Variants in DKKL1 observed in about 807,000 individuals in gnomAD.
DKKL1 encodes dickkopf like acrosomal protein 1.
Under a neutral mutation model 16.5 loss-of-function variants are expected in DKKL1, and 11 were observed. The observed-to-expected ratio is 0.67, with a 90% CI of 0.42 to 1.10. DKKL1 has a LOEUF of 1.10. DKKL1 is among the 50% of genes least tolerant of loss of function. The probability of loss-of-function intolerance (pLI) is 0.00; values close to 1 mark genes in which losing one functional copy is unlikely to be tolerated. For missense variants in DKKL1, 320 were observed against 308.1 expected (o/e 1.04, Z -0.29); for synonymous variants, 119 against 133.2 (o/e 0.89, Z 0.73).
At chr19:49,364,111 A>T in intron 1 of DKKL1, 103 bp downstream of exon 1, 1 of 1,496,916 alleles carries the variant, frequency 6.7e-7, no homozygotes, top group Non-Finnish European at 9.1e-7. Flanking sequence ...ACACTTTGGG[A>T]GGCCCAGGTG....
At chr19:49,371,549 C>A in intron 4 of DKKL1, among the ~76,000 whole-genome samples, 1 of 151,370 alleles carries the variant, frequency 6.6e-6, no homozygotes, top group South Asian at 2.1e-4. Flanking sequence ...TGCTTTGTAT[C>A]ATTTTCTTAA....
At position 49,374,950 on chromosome 19, in the gene DKKL1, CGA is replaced by C. The variant is rs1973669620; in HGVS notation, c.655_656del (p.Ser219LeufsTer?). ...THKDVLEEGTESSSHSRLSPR... is the reference protein window; with the variant it reads ...THKDVLEEGTXSSSHSRLSPR... Reference sequence around the variant, plus strand: ...ACAAGGACGTCCTAGAAGAGGGGACCGAGAGCTCCTCCCACTCCAGGCTGTCC... The same window carrying C: ...ACAAGGACGTCCTAGAAGAGGGGACCGAGCTCCTCCCACTCCAGGCTGTCC... On this transcript the variant is annotated frameshift_variant, in exon 5 of 5. Coordinates refer to ENST00000221498, the MANE Select transcript of DKKL1 (RefSeq NM_014419.4). LOFTEE classifies it high-confidence loss of function. 1 of 1,613,694 alleles carries C rather than the reference CGA, an allele frequency of 6.2e-7. No homozygotes were observed. The highest frequency in any genetic ancestry group is 2.2e-5 in the East Asian group (1 of 44,864).
upstream of DKKL1, among the ~76,000 whole-genome samples, chr19:49,362,177 C>A (rs962191610): frequency 4.1e-4 from 63 of 152,350 alleles, no homozygotes; most frequent in African/African-American, 1.4e-3. Flanking sequence ...CGCAGGCACC[C>A]TAACTCCGGC....
At chr19:49,374,095 C>G (rs960012458) in intron 4 of DKKL1, among the ~76,000 whole-genome samples, 2 of 152,134 alleles carry the variant, frequency 1.3e-5, no homozygotes, top group African/African-American at 4.8e-5. Context: ...TGCCAATCTC[C>G]TGCCTCAGCC....
intron 4 of DKKL1, among the ~76,000 whole-genome samples, chr19:49,371,464 A>G (rs1197617311): frequency 2.6e-5 from 4 of 151,490 alleles, no homozygotes; most frequent in Non-Finnish European, 5.9e-5. Context: ...TAATTTTTCA[A>G]TTGTTTTACT....
Position 49,365,809 on chromosome 19 carries a change from C to A in DKKL1, c.341C>A (p.Thr114Lys), listed in dbSNP as rs1279485569. 6.2e-7 allele frequency: 1 copy of A among 1,614,062 alleles called. No individual in the cohort carries two copies. The highest frequency in any genetic ancestry group is 1.1e-5 in the South Asian group (1 of 91,054). Residue 114 changes from threonine (T) to lysine (K), a missense_variant, in exon 4 of 5, where the codon ACA (threonine) becomes AAA (lysine). Transcript: ENST00000221498. ...TCCTCACAGATGACCGACAACAAGA[C>A]AGGAGAGGTGCTGATCTCCGAGAAT... ...LQIDKMTDNK[T>K]GEVLISENVV...
Position 49,364,675 on chromosome 19 carries a change from A to C in DKKL1, c.104A>C (p.Asp35Ala). 1 of 1,614,152 alleles carries C rather than the reference A, an allele frequency of 6.2e-7. No individual in the cohort carries two copies. The highest frequency in any genetic ancestry group is 8.5e-7 in the Non-Finnish European group (1 of 1,180,032). Residue 35 changes from aspartate to alanine, a missense_variant, in exon 2 of 5, where the codon GAT becomes GCT. Coordinates refer to ENST00000221498, the MANE Select transcript of DKKL1 (RefSeq NM_014419.4). ...CCCTCCGCTGCAGCTCCTATCCATG[A>C]TGCTGACGCCCAAGAGAGCTCCTTG... ...VIPSAAAPIH[D>A]ADAQESSLGL...
Position 49,364,772 on chromosome 19 carries a change from G to C in DKKL1, c.183+18G>C, listed in dbSNP as rs761338559. 6.2e-7 allele frequency: 1 copy of C among 1,607,830 alleles called. No homozygotes were observed. The highest frequency in any genetic ancestry group is 1.3e-5 in the African/African-American group (1 of 74,802). On this transcript the variant is annotated intron_variant, in intron 2 of 4. Transcript: ENST00000221498. The stretch of plus-strand genomic sequence containing the variant: ...TCCTGAAAGTAAGCGATGGCGGGGG[G>C]ATGGGGGAAGAAGTACTGAGAAGAG...
upstream of DKKL1, among the ~76,000 whole-genome samples, chr19:49,361,031 AG>A (rs532094441): frequency 8.1e-5 from 2 of 24,734 alleles, no homozygotes; most frequent in African/African-American, 1.6e-4. Context: ...GACCAGAGGG[AG>A]GGGGGGACAG....
Position 49,373,932 on chromosome 19 carries a change from T to A in DKKL1, c.418-785T>A, listed in dbSNP as rs546611098. Among the ~76,000 whole-genome samples, 113 of 152,026 alleles carry A rather than the reference T, an allele frequency of 7.4e-4. 1 individual carries two copies. The South Asian group carries it at 7.9e-3, about 11-fold the overall frequency. ...TGAATTGCAAGGACCAAACAGACAC[T>A]CAGTCCATATTCAAACTTTCTCCCT... On this transcript the variant is annotated intron_variant, in intron 4 of 4. Coordinates refer to ENST00000221498, the MANE Select transcript of DKKL1 (RefSeq NM_014419.4).
In DKKL1 at chr19:49,365,522, G is replaced by T. The variant is rs762517939; in HGVS notation, c.197G>T (p.Arg66Leu). ...CTCCGGCCCCAGGGTAACCTGCTTC[G>T]GGGCATAGACAGCTTATTCTCTGCC... ...SRLFLKGNLL[R>L]GIDSLFSAPM... Residue 66 changes from arginine to leucine, a missense_variant, in exon 3 of 5, where the codon CGG (arginine) becomes CTG (leucine). Transcript: ENST00000221498. 3.7e-6 allele frequency: 6 copies of T among 1,606,444 alleles called. No homozygotes were observed. The East Asian group carries it at 8.9e-5, about 24-fold the overall frequency.
chr19:49,374,142 G>A (rs1371842907), intron 4 of DKKL1, among the ~76,000 whole-genome samples: 1 of 151,966 alleles, frequency 6.6e-6, no homozygotes, highest in African/African-American at 2.4e-5. Flanking sequence ...CCGCAACCAT[G>A]CCCGGCTAAA....
chr19:49,367,382 G>A (rs1352152619), intron 4 of DKKL1, among the ~76,000 whole-genome samples: 1 of 150,248 alleles, frequency 6.7e-6, no homozygotes, highest in East Asian at 2.0e-4. Flanking sequence ...TGCTAAATGC[G>A]TTGTGTATTT....
chr19:49,365,919 C>T, intron 4 of DKKL1, 34 bp downstream of exon 4: 1 of 1,581,280 alleles, frequency 6.3e-7, no homozygotes, highest in Non-Finnish European at 8.6e-7. Context: ...AGTGTCCAGG[C>T]CCAAACATTT....
upstream of DKKL1, chr19:49,361,916 G>A (rs1171946854): frequency 1.3e-5 from 2 of 152,408 alleles, no homozygotes; most frequent in African/African-American, 4.8e-5. Context: ...GGTAAGAAAG[G>A]TCCCCCTAAT....
chr19:49,367,184 G>A (rs1481486582), intron 4 of DKKL1, among the ~76,000 whole-genome samples: 4 of 151,294 alleles, frequency 2.6e-5, no homozygotes, highest in Non-Finnish European at 5.9e-5. Context: ...GTGCCACCAC[G>A]TCCAGCTAAT....
intron 4 of DKKL1, among the ~76,000 whole-genome samples, chr19:49,374,078 G>A (rs534548474): frequency 6.6e-6 from 1 of 151,882 alleles, no homozygotes; most frequent in South Asian, 2.1e-4. Context: ...TCCGCCTCCT[G>A]GGTTCATGCC....
chr19:49,373,302 CAA>C (rs35154036), intron 4 of DKKL1, among the ~76,000 whole-genome samples: 133 of 126,036 alleles, frequency 1.1e-3, no homozygotes, highest in African/African-American at 9.5e-4. Context: ...GACTCCATCT[CAA>C]AAAAAAAAAA....
intron 4 of DKKL1, among the ~76,000 whole-genome samples, chr19:49,372,346 G>A (rs1321277593): frequency 6.6e-6 from 1 of 151,670 alleles, no homozygotes; most frequent in Admixed American, 6.6e-5. Context: ...GGATCATGAG[G>A]TCAGGAGTTC....
Sources: allele counts gnomAD v4.1 joint callset (sites outside exome capture counted in the v4.1 genomes callset), GRCh38; gene constraint gnomAD v4.1.1; transcripts MANE v1.5; gene names NCBI Gene and HGNC (gene_info 2026-07-23, HGNC 2026-07-21).